The following SLC1A3 variants were observed in gnomAD, a reference collection of about 807,000 sequenced individuals.
SLC1A3 encodes the protein excitatory amino acid transporter 1.
In SLC1A3, 21 loss-of-function variants were observed where a neutral mutation model predicts 48.1. The ratio of observed to expected loss-of-function variants is 0.44; its 90% CI spans 0.31 to 0.63. The LOEUF (loss-of-function observed/expected upper bound fraction) is 0.63. Ranked by LOEUF, SLC1A3 falls within the 20% of genes least tolerant of loss-of-function variation. The pLI is 0.08. For synonymous variants in SLC1A3, 239 were observed against 251.4 expected, an observed-to-expected ratio of 0.95 and a Z score of 0.47; for missense variants, 546 against 689.0, an observed-to-expected ratio of 0.79 and a Z score of 2.32.
At chr5:36,646,402 CA>C (rs1242248812) in intron 3 of SLC1A3, among the ~76,000 whole-genome samples, 1 of 152,082 alleles carries the variant, frequency 6.6e-6, no homozygotes, top group Non-Finnish European at 1.5e-5. Flanking sequence ...AAATAACCCT[CA>C]AAAAAATATA....
chr5:36,614,839 T>C (rs748368495), intron 2 of SLC1A3, among the ~76,000 whole-genome samples: 1 of 152,006 alleles, frequency 6.6e-6, no homozygotes, highest in Non-Finnish European at 1.5e-5. Flanking sequence ...TCCAAGAGAG[T>C]TGGGAAAGGT....
Position 36,671,250 on chromosome 5 carries a change from C to A in SLC1A3, c.524+17C>A, listed in dbSNP as rs1452329449. Reference sequence around the variant, plus strand: ...CTTGATCAGGTATGTCCTTGCAAGCCCGTCCTTTGGGGTGTATTTTCGCCA... The same window carrying A: ...CTTGATCAGGTATGTCCTTGCAAGCACGTCCTTTGGGGTGTATTTTCGCCA... On this transcript the variant is annotated intron_variant, in intron 4 of 9. Coordinates refer to ENST00000265113, the MANE Select transcript of SLC1A3 (RefSeq NM_004172.5). 3 of 1,596,394 alleles carry A rather than the reference C, an allele frequency of 1.9e-6. No homozygotes were observed. The highest frequency in any genetic ancestry group is 1.1e-5 in the South Asian group (1 of 90,234).
Position 36,686,219 on chromosome 5 carries a change from G to A in SLC1A3, c.1579G>A (p.Ala527Thr). Reference protein sequence around the residue: ...NEMKKPYQLIAQDNETEKPID... With the variant: ...NEMKKPYQLITQDNETEKPID... The stretch of plus-strand genomic sequence containing the variant: ...AATGAAGAAACCATATCAACTGATT[G>A]CACAGGACAATGAAACTGAGAAACC... The change falls in exon 10 of 10, where the codon GCA becomes ACA. Residue 527 changes from alanine (A) to threonine (T), a missense_variant. Transcript: ENST00000265113. 6.2e-7 allele frequency: 1 copy of A among 1,614,142 alleles called. No individual in the cohort carries two copies.
rs760322313 is a variant in SLC1A3 at position 36,676,975 on chromosome 5, G to T, written c.651G>T (p.Val217=). The change falls in exon 6 of 10, where the codon GTG becomes GTT. Residue 217 remains valine (V), a synonymous_variant. Transcript: ENST00000265113. The part of the protein sequence containing the change: ...ETLVGAVINN[V]SEAMETLTRI... Reference sequence around the variant, plus strand: ...TTGTGGGTGCTGTGATAAACAATGTGTCTGAGGCCATGGAGACTCTTACCC... The same window carrying T: ...TTGTGGGTGCTGTGATAAACAATGTTTCTGAGGCCATGGAGACTCTTACCC... The T allele has an allele frequency of 3.1e-6, 5 of 1,614,066 alleles. No homozygotes were observed. In the Admixed American group the frequency reaches 8.3e-5, roughly 27 times the overall value.
chr5:36,640,734 C>T (rs2111805442), intron 3 of SLC1A3, among the ~76,000 whole-genome samples: 1 of 152,114 alleles, frequency 6.6e-6, no homozygotes, highest in Non-Finnish European at 1.5e-5. Context: ...TCCATATTAC[C>T]AAGACTTGTC....
At chr5:36,652,292 C>T (rs1230524603) in intron 3 of SLC1A3, among the ~76,000 whole-genome samples, 1 of 151,108 alleles carries the variant, frequency 6.6e-6, no homozygotes, top group Non-Finnish European at 1.5e-5. Flanking sequence ...TTTTGGCACT[C>T]CCAGCTCCAA....
chr5:36,630,628 A>G (rs188112858), intron 3 of SLC1A3, among the ~76,000 whole-genome samples: 17 of 152,324 alleles, frequency 1.1e-4, no homozygotes, highest in Admixed American at 2.0e-4. Flanking sequence ...AAGGATATTT[A>G]TACTATCCTT....
chr5:36,677,423 C>T (rs899768868), intron 6 of SLC1A3, among the ~76,000 whole-genome samples: 7 of 152,194 alleles, frequency 4.6e-5, no homozygotes, highest in African/African-American at 1.7e-4. Flanking sequence ...TACCCCAGTG[C>T]TGATGGAATC....
chr5:36,600,106 C>G (rs1579931715), intron 1 of SLC1A3, among the ~76,000 whole-genome samples: 1 of 152,090 alleles, frequency 6.6e-6, no homozygotes, highest in East Asian at 1.9e-4. Context: ...TTGAGTTACC[C>G]AATCCAGTCA....
chr5:36,666,434 T>G (rs1741752371), intron 3 of SLC1A3: 1 of 152,248 alleles, frequency 6.6e-6, no homozygotes, highest in South Asian at 2.1e-4. Context: ...TCTTCTTGAA[T>G]CAGCAGTTGC....
chr5:36,631,991 C>T (rs956062247), intron 3 of SLC1A3, among the ~76,000 whole-genome samples: 6 of 152,218 alleles, frequency 3.9e-5, no homozygotes, highest in Middle Eastern at 3.2e-3. Flanking sequence ...ACCTCAAATG[C>T]CTCCAGTGGC....
intron 1 of SLC1A3, chr5:36,607,453 G>GT (rs1561233958): frequency 6.6e-6 from 1 of 152,174 alleles, no homozygotes; most frequent in Non-Finnish European, 1.5e-5. Flanking sequence ...GTTAAATAGC[G>GT]TGAGTGCTTT....
chr5:36,674,198 C>T (rs991260960), intron 5 of SLC1A3, 107 bp downstream of exon 5: 8 of 903,520 alleles, frequency 8.9e-6, no homozygotes, highest in Non-Finnish European at 1.5e-5. Flanking sequence ...AGAAACACTT[C>T]TCTTGTCAAC....
chr5:36,646,438 A>G (rs1740843730), intron 3 of SLC1A3, among the ~76,000 whole-genome samples: 1 of 152,220 alleles, frequency 6.6e-6, no homozygotes, highest in Non-Finnish European at 1.5e-5. Context: ...ACCTTTTGGA[A>G]ATTTAAATGT....
intron 4 of SLC1A3, among the ~76,000 whole-genome samples, chr5:36,671,868 T>G (rs1183007341): frequency 6.6e-6 from 1 of 152,068 alleles, no homozygotes; most frequent in Non-Finnish European, 1.5e-5. Flanking sequence ...GGTAATAGAG[T>G]CAGCCTTATG....
intron 2 of SLC1A3, among the ~76,000 whole-genome samples, chr5:36,612,131 A>T (rs1372511947): frequency 2.0e-5 from 3 of 151,720 alleles, no homozygotes; most frequent in East Asian, 3.9e-4. Flanking sequence ...CCTTTTTCTG[A>T]TGGTCTCCTT....
At chr5:36,644,912 C>A (rs1246443086) in intron 3 of SLC1A3, among the ~76,000 whole-genome samples, 1 of 152,128 alleles carries the variant, frequency 6.6e-6, no homozygotes, top group Non-Finnish European at 1.5e-5. Context: ...ACAACTGCAA[C>A]AGGAGGACCT....
intron 3 of SLC1A3, among the ~76,000 whole-genome samples, chr5:36,645,858 T>C (rs1460237458): frequency 1.3e-5 from 2 of 152,214 alleles, no homozygotes; most frequent in African/African-American, 4.8e-5. Flanking sequence ...TCTCATGTCT[T>C]GAATTCCCAG....
At chr5:36,648,677 C>T (rs893494709) in intron 3 of SLC1A3, among the ~76,000 whole-genome samples, 1 of 152,158 alleles carries the variant, frequency 6.6e-6, no homozygotes, top group Admixed American at 6.5e-5. Context: ...AAAAGTGCAG[C>T]GTCATCAAGA....
Sources: allele counts gnomAD v4.1 joint callset (sites outside exome capture counted in the v4.1 genomes callset), GRCh38; gene constraint gnomAD v4.1.1; transcripts MANE v1.5; gene names NCBI Gene and HGNC (gene_info 2026-07-23, HGNC 2026-07-21).